Variants in WWP1 observed in about 807,000 individuals in gnomAD.
WWP1 encodes the protein WW domain containing E3 ubiquitin protein ligase 1.
Under a neutral mutation model 130.6 loss-of-function variants are expected in WWP1, and 49 were observed. The observed-to-expected ratio is 0.38, with a 90% CI of 0.30 to 0.48. WWP1 has a LOEUF of 0.48. Ranked by LOEUF, WWP1 falls within the 20% of genes least tolerant of loss-of-function variation. The pLI, the probability that WWP1 is intolerant of heterozygous loss-of-function variation, is 0.99. For missense variants in WWP1, 809 were observed against 1,100.6 expected (o/e 0.74, Z 3.75); for synonymous variants, 332 against 367.8 (o/e 0.90, Z 1.11).
chr8:86,412,584 C>T (rs1808647632), intron 9 of WWP1, among the ~76,000 whole-genome samples: 1 of 152,106 alleles, frequency 6.6e-6, no homozygotes, highest in Admixed American at 6.6e-5. Context: ...TGCTTTCCAA[C>T]ACAGTTTACA....
At chr8:86,423,810 C>T (rs28399303) in intron 9 of WWP1, among the ~76,000 whole-genome samples, 21,553 of 85,406 alleles carry the variant, frequency 0.25, 1,744 homozygotes, top group Non-Finnish European at 0.3. Context: ...CGGGCAGAGG[C>T]GCCCCCCCCC....
chr8:86,353,813 ACT>A (rs1485576760), intron 1 of WWP1, among the ~76,000 whole-genome samples: 1 of 151,964 alleles, frequency 6.6e-6, no homozygotes, highest in African/African-American at 2.4e-5. Flanking sequence ...GTTTGTTTTC[ACT>A]GTCTCTTTGA....
At chr8:86,457,774 A>C (rs1811538136) in intron 21 of WWP1, 147 bp from the exon 22 acceptor site, 2 of 566,612 alleles carry the variant, frequency 3.5e-6, no homozygotes, top group Non-Finnish European at 5.8e-6. Context: ...CAGTTTTGTT[A>C]TATTTGCTTA....
At chr8:86,448,543 T>G (rs201277837) in intron 20 of WWP1, 30 bp downstream of exon 20, 1 of 1,596,150 alleles carries the variant, frequency 6.3e-7, no homozygotes, top group Non-Finnish European at 8.5e-7. Context: ...TAAGCTTAAT[T>G]TCTAGAACAC....
At chr8:86,385,746 T>C (rs138313432) in intron 5 of WWP1, among the ~76,000 whole-genome samples, 3 of 152,310 alleles carry the variant, frequency 2.0e-5, no homozygotes, top group Admixed American at 6.5e-5. Flanking sequence ...CACTGTCTTA[T>C]TCACTTGTGT....
intron 17 of WWP1, 161 bp from the exon 18 acceptor site, chr8:86,442,458 G>A (rs866722723): frequency 1.8e-6 from 1 of 561,908 alleles, no homozygotes. Flanking sequence ...TAAATGGAGA[G>A]CCAGATCATA....
At chr8:86,452,782 A>C in intron 21 of WWP1, 103 bp downstream of exon 21, 1 of 1,404,450 alleles carries the variant, frequency 7.1e-7, no homozygotes, top group Non-Finnish European at 9.8e-7. Context: ...ATCCTGTAGC[A>C]CAATCTTGAA....
At chr8:86,399,356 C>T (rs1246482123) in intron 7 of WWP1, among the ~76,000 whole-genome samples, 10 of 152,094 alleles carry the variant, frequency 6.6e-5, no homozygotes, top group Admixed American at 6.6e-4. Flanking sequence ...CTGGCATTCA[C>T]AGTTCATGAC....
chr8:86,435,819 A>C, intron 16 of WWP1, 115 bp downstream of exon 16: 1 of 936,562 alleles, frequency 1.1e-6, no homozygotes, highest in Non-Finnish European at 1.6e-6. Flanking sequence ...TATAATAATA[A>C]TGACTGCCAC....
intron 24 of WWP1, 29 bp downstream of exon 24, chr8:86,461,875 T>G (rs1174697877): frequency 6.4e-7 from 1 of 1,553,870 alleles, no homozygotes; most frequent in African/African-American, 1.4e-5. Flanking sequence ...AATACGAAGG[T>G]GAAAGCCACA....
intron 23 of WWP1, 27 bp from the exon 24 acceptor site, chr8:86,461,747 A>G (rs373334216): frequency 1.4e-5 from 22 of 1,603,426 alleles, no homozygotes; most frequent in Non-Finnish European, 1.7e-5. Context: ...AGGACCAGAT[A>G]AACTTTGTCT....
intron 16 of WWP1, among the ~76,000 whole-genome samples, chr8:86,435,978 C>G (rs553497908): frequency 1.2e-4 from 19 of 152,302 alleles, no homozygotes; most frequent in Non-Finnish European, 2.8e-4. Flanking sequence ...GGATTACAGG[C>G]TTGAGCCACT....
At chr8:86,442,581 T>A in intron 17 of WWP1, 38 bp from the exon 18 acceptor site, 6 of 1,536,658 alleles carry the variant, frequency 3.9e-6, no homozygotes, top group Non-Finnish European at 5.3e-6. Context: ...AATTCACATA[T>A]TAATGCTAAA....
intron 9 of WWP1, among the ~76,000 whole-genome samples, chr8:86,412,777 G>C (rs541332383): frequency 6.6e-6 from 1 of 151,506 alleles, no homozygotes; most frequent in South Asian, 2.1e-4. Context: ...CTTAATTACG[G>C]TTTCAGCCTT....
At chr8:86,407,641 A>G (rs1329235352) in intron 8 of WWP1, among the ~76,000 whole-genome samples, 1 of 152,220 alleles carries the variant, frequency 6.6e-6, no homozygotes, top group East Asian at 1.9e-4. Flanking sequence ...TTATTGTGGC[A>G]TCTTAATGCG....
intron 5 of WWP1, among the ~76,000 whole-genome samples, chr8:86,382,966 G>T (rs1012199535): frequency 2.0e-5 from 3 of 152,102 alleles, no homozygotes; most frequent in Non-Finnish European, 4.4e-5. Flanking sequence ...CTTTAAAAAG[G>T]TTCTTTCTGC....
rs1822282209 is a variant in WWP1 at position 86,342,848 on chromosome 8, C to T, written c.-197C>T. On this transcript the variant is annotated 5_prime_UTR_variant, in exon 1 of 25. Coordinates refer to ENST00000517970, the MANE Select transcript of WWP1 (RefSeq NM_007013.4). Reference sequence around the variant, plus strand: ...TGCTGCGAGATGGCGATCTTGGGCGCGGAAGGGTGAGGGCGCCCGCCGCAG... The same window carrying T: ...TGCTGCGAGATGGCGATCTTGGGCGTGGAAGGGTGAGGGCGCCCGCCGCAG... The T allele has an allele frequency of 2.7e-6, 1 of 364,794 alleles. No homozygotes were observed. Among genetic ancestry groups the T allele is most frequent in the Non-Finnish European group, 4.9e-6 (1 of 204,318 alleles). 22.6% of individuals were successfully genotyped at this position (364,794 alleles called of 1,614,324 possible).
intron 2 of WWP1, among the ~76,000 whole-genome samples, chr8:86,372,049 A>C (rs1316268575): frequency 1.3e-5 from 1 of 77,160 alleles, no homozygotes; most frequent in South Asian, 4.5e-4. Flanking sequence ...TTTGAGACGG[A>C]GTTTCGCTCT....
intron 5 of WWP1, among the ~76,000 whole-genome samples, chr8:86,386,524 C>T (rs1251786118): frequency 2.0e-5 from 3 of 152,016 alleles, no homozygotes; most frequent in Non-Finnish European, 4.4e-5. Flanking sequence ...GATGCAGGCC[C>T]TGTGGTATAC....
Sources: gnomAD v4.1 joint callset for allele counts (sites outside exome capture counted in the v4.1 genomes callset) on GRCh38, gnomAD v4.1.1 for gene constraint, MANE v1.5 for transcripts, NCBI Gene and HGNC (gene_info 2026-07-23, HGNC 2026-07-21) for gene names.